The following ZPLD1 variants were observed in gnomAD, a reference collection of about 807,000 sequenced individuals.
ZPLD1 encodes zona pellucida-like domain-containing protein 1.
In ZPLD1, 34 loss-of-function variants were observed where a neutral mutation model predicts 47.2. The observed-to-expected ratio is 0.72, with a 90% CI of 0.55 to 0.96. The LOEUF (loss-of-function observed/expected upper bound fraction) is 0.96, where lower values mean the gene tolerates loss of function less well. ZPLD1 is among the 40% of genes least tolerant of loss of function. ZPLD1 has a pLI of 0.00. For synonymous variants in ZPLD1, 176 were observed against 186.2 expected (o/e 0.95, Z 0.45); for missense variants, 512 against 505.8 (o/e 1.01, Z -0.12).
chr3:102,423,325 T>C (rs1409194328), intron 8 of ZPLD1, among the ~76,000 whole-genome samples: 1 of 152,010 alleles, frequency 6.6e-6, no homozygotes, highest in African/African-American at 2.4e-5. Flanking sequence ...AGAAATGGAA[T>C]CTCAAGTATA....
chr3:102,453,254 A>G lies in ZPLD1; in HGVS notation c.327+115A>G. 7.5e-6 allele frequency: 7 copies of G among 939,036 alleles called. 1 individual carries two copies. Among genetic ancestry groups the G allele is most frequent in the Non-Finnish European group, 1.1e-5 (7 of 629,948 alleles). The allele number at this position is 939,036 out of a possible 1,614,324, so 58.2% of individuals were successfully genotyped here. A position where few individuals can be genotyped will look rare whatever the true frequency, so the allele number is the denominator to read the frequency against. ...CTTGAGAAAAAAAATAAAATTGAAC[A>G]AATCACTTTCCTTTGCCTGTTTGAG... On this transcript the variant is annotated intron_variant, in intron 4 of 11. Transcript: ENST00000466937.
rs552790476 is a variant in ZPLD1, at chr3:102,424,066, T to C, written c.-9+5859T>C. On this transcript the variant is annotated intron_variant, in intron 8 of 17. Coordinates refer to the ZPLD1 transcript ENST00000491959. ...GTCTTAATCCTTTGTTTACAAATAG[T>C]CATTAATTACTGCTCTATGTAAGGG... is the stretch of plus-strand genomic sequence containing the variant. 2.0e-4 allele frequency among the ~76,000 whole-genome samples: 31 copies of C among 152,274 alleles called. No individual in the cohort carries two copies. In the South Asian group the frequency reaches 6.2e-3, roughly 31 times the overall value.
intron 7 of ZPLD1, among the ~76,000 whole-genome samples, chr3:102,463,251 C>T (rs1707537701): frequency 2.0e-5 from 3 of 152,192 alleles, no homozygotes; most frequent in Non-Finnish European, 4.4e-5. Context: ...CTTTCTTCAC[C>T]CTAACACAGT....
chr3:102,461,315 G>GT (rs1559759081), intron 6 of ZPLD1, among the ~76,000 whole-genome samples: 2 of 151,842 alleles, frequency 1.3e-5, no homozygotes, highest in Admixed American at 6.6e-5. Flanking sequence ...AATTTGGAGG[G>GT]TTTTTTTGGT....
chr3:102,440,887 A>G (rs1363532382), intron 3 of ZPLD1, among the ~76,000 whole-genome samples: 1 of 152,158 alleles, frequency 6.6e-6, no homozygotes, highest in Non-Finnish European at 1.5e-5. Flanking sequence ...GGAAATTCAA[A>G]TAAAGAATAA....
In ZPLD1 at chr3:102,477,854, G is replaced by C; in HGVS notation, c.*236G>C. 1 of 346,378 alleles carries C rather than the reference G, an allele frequency of 2.9e-6. No individual in the cohort carries two copies. Among genetic ancestry groups the C allele is most frequent in the Non-Finnish European group, 5.1e-6 (1 of 194,630 alleles). 21.5% of individuals were successfully genotyped at this position (346,378 alleles called of 1,614,324 possible). The stretch of plus-strand genomic sequence containing the variant: ...CCACCAGTGAATATATTGACAATAA[G>C]TGAAAAATATTCAGGACTTAGGGCT... On this transcript the variant is annotated 3_prime_UTR_variant, in exon 12 of 12. Coordinates refer to ENST00000466937, the MANE Select transcript of ZPLD1 (RefSeq NM_001329788.2).
intron 11 of ZPLD1, 61 bp from the exon 12 acceptor site, chr3:102,477,382 G>GTGAGATA: frequency 6.5e-7 from 1 of 1,542,472 alleles, no homozygotes; most frequent in Non-Finnish European, 8.8e-7. Flanking sequence ...GTAAAATTGG[G>GTGAGATA]TCAAGGTGAG....
intron 7 of ZPLD1, among the ~76,000 whole-genome samples, chr3:102,397,412 C>T (rs1398515341): frequency 6.6e-6 from 1 of 152,068 alleles, no homozygotes; most frequent in Non-Finnish European, 1.5e-5. Flanking sequence ...CCATCTTTGC[C>T]ACTGAATGTT....
intron 7 of ZPLD1, among the ~76,000 whole-genome samples, chr3:102,404,696 C>A (rs1159415726): frequency 6.6e-6 from 1 of 151,976 alleles, no homozygotes; most frequent in Non-Finnish European, 1.5e-5. Flanking sequence ...AGAGCCAATG[C>A]AGAGCAAGAT....
chr3:102,464,034 AAC>A (rs1707551752), intron 7 of ZPLD1, 135 bp from the exon 8 acceptor site: 1 of 653,094 alleles, frequency 1.5e-6, no homozygotes, highest in Non-Finnish European at 2.6e-6. Context: ...TGGGCAACGG[AAC>A]AAGACTCCGT....
chr3:102,441,499 A>C (rs566153322), intron 3 of ZPLD1, among the ~76,000 whole-genome samples: 3 of 152,302 alleles, frequency 2.0e-5, no homozygotes, highest in South Asian at 4.1e-4. Flanking sequence ...AGTGTATTCT[A>C]TCATTTTCTT....
intron 8 of ZPLD1, among the ~76,000 whole-genome samples, chr3:102,466,549 T>G (rs1306919225): frequency 6.6e-6 from 1 of 152,068 alleles, no homozygotes; most frequent in Non-Finnish European, 1.5e-5. Flanking sequence ...ATCATGGTTA[T>G]GAAGATAGAA....
chr3:102,400,486 CG>C (rs1160361070), intron 7 of ZPLD1, among the ~76,000 whole-genome samples: 1 of 151,870 alleles, frequency 6.6e-6, no homozygotes, highest in Non-Finnish European at 1.5e-5. Flanking sequence ...GGGGATAAGC[CG>C]GGGGTCCCTT....
chr3:102,464,489 C>A (rs1329705558), intron 8 of ZPLD1, among the ~76,000 whole-genome samples: 1 of 152,048 alleles, frequency 6.6e-6, no homozygotes, highest in Admixed American at 6.5e-5. Context: ...TTATGTCCAC[C>A]AAAGATGTTT....
Position 102,457,761 on chromosome 3 carries a change from T to A in ZPLD1, c.510-20T>A, listed in dbSNP as rs964317352. 6.8e-6 allele frequency: 11 copies of A among 1,612,274 alleles called. No individual in the cohort carries two copies. In the African/African-American group the frequency reaches 8.0e-5, roughly 12 times the overall value. Reference sequence around the variant, plus strand: ...CTCTAAAATCTCATCAGTGCTTTCCTTTTTCTAAATGTGTTTTAGGTCCTC... The same window carrying A: ...CTCTAAAATCTCATCAGTGCTTTCCATTTTCTAAATGTGTTTTAGGTCCTC... On this transcript the variant is annotated intron_variant, in intron 5 of 11. Coordinates refer to ENST00000466937, the MANE Select transcript of ZPLD1 (RefSeq NM_001329788.2).
At chr3:102,452,734 C>A (rs1474607162) in intron 3 of ZPLD1, among the ~76,000 whole-genome samples, 185 bp from the exon 4 acceptor site, 1 of 152,038 alleles carries the variant, frequency 6.6e-6, no homozygotes, top group Non-Finnish European at 1.5e-5. Flanking sequence ...CCTTAAATAA[C>A]TAAATAAAAG....
chr3:102,428,508 T>A (rs1421247728), intron 8 of ZPLD1, among the ~76,000 whole-genome samples: 1 of 152,046 alleles, frequency 6.6e-6, no homozygotes, highest in Non-Finnish European at 1.5e-5. Flanking sequence ...AATAATAATT[T>A]TTAAGTGGCC....
At position 102,422,358 on chromosome 3, in the gene ZPLD1, A is replaced by G. The variant is rs575814998; in HGVS notation, c.-9+4151A>G. ...TGACTTGTGGGGAACTATTCCTGGT[A>G]TATAGTGGATAGAAGCCAAGGATGC... On this transcript the variant is annotated intron_variant, in intron 8 of 17. Transcript: ENST00000491959. Among the ~76,000 whole-genome samples the G allele has an allele frequency of 7.2e-5, 11 of 152,148 alleles. No individual in the cohort carries two copies. The South Asian group carries it at 1.7e-3, about 23-fold the overall frequency.
upstream of ZPLD1, among the ~76,000 whole-genome samples, chr3:102,433,359 T>C (rs1707040255): frequency 6.6e-6 from 1 of 152,178 alleles, no homozygotes; most frequent in Admixed American, 6.5e-5. Context: ...TTGGGCAAAT[T>C]ACTTCAGATT....
Sources: gnomAD v4.1 joint callset for allele counts (sites outside exome capture counted in the v4.1 genomes callset) on GRCh38, gnomAD v4.1.1 for gene constraint, MANE v1.5 for transcripts, NCBI Gene and HGNC (gene_info 2026-07-23, HGNC 2026-07-21) for gene names.